Variants in GAREM1 observed in about 807,000 individuals in gnomAD.
GAREM1 encodes the protein GRB2-associated and regulator of MAPK protein 1.
Under a neutral mutation model 71.3 loss-of-function variants are expected in GAREM1, and 26 were observed. The ratio of observed to expected loss-of-function variants is 0.36; its 90% confidence interval spans 0.27 to 0.51. The LOEUF is 0.51. Among genes scored for constraint, GAREM1 ranks in the 20% least tolerant of loss-of-function variants. The probability of loss-of-function intolerance (pLI) is 0.95; values close to 1 mark genes in which losing one functional copy is unlikely to be tolerated. For missense variants in GAREM1, 1,026 were observed against 1,103.1 expected, an observed-to-expected ratio of 0.93 and a Z score of 0.99; for synonymous variants, 440 against 433.2, an observed-to-expected ratio of 1.02 and a Z score of -0.20.
intron 2 of GAREM1, among the ~76,000 whole-genome samples, chr18:32,329,764 T>A (rs1448614710): frequency 2.1e-5 from 3 of 144,704 alleles, no homozygotes; most frequent in Admixed American, 6.8e-5. Flanking sequence ...CTGATGTAGG[T>A]AAGAAATTTC....
At chr18:32,432,432 G>A (rs549554028) in intron 1 of GAREM1, among the ~76,000 whole-genome samples, 1 of 152,100 alleles carries the variant, frequency 6.6e-6, no homozygotes, top group East Asian at 1.9e-4. Flanking sequence ...ATGTTTTAAA[G>A]AGTTTAGAAA....
In GAREM1 at chr18:32,412,503, C is replaced by T. The variant is rs1287507950; in HGVS notation, c.122-19468G>A. ...AGCACGGCTGCCACCAAAGCCACCA[C>T]GACCACTGAAGTTTCCTCCATGACC... On this transcript the variant is annotated intron_variant, in intron 1 of 5. Transcript: ENST00000269209. 4.1e-5 allele frequency: 66 copies of T among 1,596,728 alleles called. 1 individual carries two copies. The highest frequency in any genetic ancestry group is 4.2e-4 in the Middle Eastern group (2 of 4,752).
In GAREM1 at chr18:32,266,736, C is replaced by T. The variant is rs2041378940; in HGVS notation, c.*1135G>A. ...CCGGTGCGTCTGATTTCTCAGCTCT[C>T]GTAAAGCATGAAGTAGGTTGAGAAT... is the stretch of plus-strand genomic sequence containing the variant. On this transcript the variant is annotated 3_prime_UTR_variant, in exon 6 of 6. Transcript: ENST00000269209. 2.6e-5 allele frequency: 4 copies of T among 152,118 alleles called. No homozygotes were observed. In the South Asian group the frequency reaches 8.3e-4, roughly 32 times the overall value. The allele number at this position is 152,118 out of a possible 1,614,324, so 9.4% of individuals were successfully genotyped here.
chr18:32,305,536 T>C (rs1237212910), intron 3 of GAREM1, among the ~76,000 whole-genome samples: 1 of 152,190 alleles, frequency 6.6e-6, no homozygotes, highest in Non-Finnish European at 1.5e-5. Flanking sequence ...TTGTTGTTTT[T>C]TGAGATGGAG....
intron 1 of GAREM1, among the ~76,000 whole-genome samples, chr18:32,459,345 T>C (rs1433244467): frequency 6.6e-6 from 1 of 151,870 alleles, no homozygotes; most frequent in Admixed American, 6.6e-5. Context: ...TTTTCATCTA[T>C]CTTACACACA....
At chr18:32,449,657 T>C (rs1870719201) in intron 1 of GAREM1, among the ~76,000 whole-genome samples, 1 of 152,168 alleles carries the variant, frequency 6.6e-6, no homozygotes. Flanking sequence ...AGAGTGAGAC[T>C]GTCTCAAAAA....
intron 1 of GAREM1, among the ~76,000 whole-genome samples, chr18:32,402,512 C>CA (rs112722077): frequency 0.13 from 20,209 of 151,904 alleles, 1,523 homozygotes; most frequent in African/African-American, 0.21. Flanking sequence ...GCTTCTGTGC[C>CA]AACAGATCTC....
intron 4 of GAREM1, among the ~76,000 whole-genome samples, chr18:32,270,763 T>TA (rs1004725063): frequency 2.6e-5 from 4 of 152,176 alleles, no homozygotes; most frequent in Non-Finnish European, 5.9e-5. Flanking sequence ...TTCACAAATT[T>TA]AACTTGAGGA....
intron 1 of GAREM1, among the ~76,000 whole-genome samples, chr18:32,397,869 C>T (rs985540928): frequency 1.3e-5 from 2 of 152,210 alleles, no homozygotes; most frequent in Non-Finnish European, 2.9e-5. Flanking sequence ...ACATTCTTTT[C>T]AGCACCACAA....
intron 2 of GAREM1, among the ~76,000 whole-genome samples, chr18:32,387,572 C>G (rs1482913032): frequency 6.6e-6 from 1 of 152,188 alleles, no homozygotes; most frequent in Non-Finnish European, 1.5e-5. Context: ...AGTGGGTTCT[C>G]TATTATTAGC....
intron 2 of GAREM1, among the ~76,000 whole-genome samples, chr18:32,341,208 T>C (rs2047644273): frequency 1.3e-5 from 2 of 152,302 alleles, no homozygotes; most frequent in East Asian, 1.9e-4. Context: ...AATTCCCACC[T>C]GTGAGTGAGA....
chr18:32,423,063 T>C lies in GAREM1; in HGVS notation c.122-30028A>G, dbSNP rs374093265. Among the ~76,000 whole-genome samples the C allele has an allele frequency of 2.8e-4, 43 of 152,336 alleles. No homozygotes were observed. In the East Asian group the frequency reaches 6.6e-3, roughly 23 times the overall value. On this transcript the variant is annotated intron_variant, in intron 1 of 5. Transcript: ENST00000269209. ...CACATAAACATTGACCTAAATTGTG[T>C]ATCTCAATGTAGTATCAAAGCAAAC...
chr18:32,424,491 C>T (rs980419415), intron 1 of GAREM1, among the ~76,000 whole-genome samples: 2 of 152,054 alleles, frequency 1.3e-5, no homozygotes, highest in African/African-American at 2.4e-5. Context: ...ACTATATTCC[C>T]GGTTGCAAAT....
intron 2 of GAREM1, among the ~76,000 whole-genome samples, chr18:32,323,273 C>T (rs140285956): frequency 1.8e-3 from 277 of 152,264 alleles, no homozygotes; most frequent in African/African-American, 5.0e-3. Context: ...CTAGCTGATG[C>T]TGTTGTATTT....
chr18:32,467,667 C>T (rs1371074923), intron 1 of GAREM1, among the ~76,000 whole-genome samples: 1 of 152,138 alleles, frequency 6.6e-6, no homozygotes, highest in Admixed American at 6.5e-5. Context: ...ATCATTTCCT[C>T]TTGGCATAAT....
chr18:32,418,257 C>A (rs941274867), intron 1 of GAREM1, among the ~76,000 whole-genome samples: 1 of 152,144 alleles, frequency 6.6e-6, no homozygotes, highest in Non-Finnish European at 1.5e-5. Flanking sequence ...TCAAAATTAG[C>A]GACTTTCTTC....
In GAREM1 at chr18:32,436,336, T is replaced by C. The variant is rs1277028889; in HGVS notation, c.121+33972A>G. ...ACATAGAGCCATTACAGTCACACTC[T>C]TGAGATTATTTTAGCTCTAGTTTAC... On this transcript the variant is annotated intron_variant, in intron 1 of 5. Coordinates refer to ENST00000269209, the MANE Select transcript of GAREM1 (RefSeq NM_001242409.2). Among the ~76,000 whole-genome samples the C allele has an allele frequency of 2.0e-5, 3 of 152,218 alleles. No individual in the cohort carries two copies. The East Asian group carries it at 5.8e-4, about 29-fold the overall frequency.
At chr18:32,373,028 CATGTTTGACA>C (rs1209884920) in intron 2 of GAREM1, among the ~76,000 whole-genome samples, 1 of 152,162 alleles carries the variant, frequency 6.6e-6, no homozygotes, top group African/African-American at 2.4e-5. Flanking sequence ...ATCAGAGGAA[CATGTTTGACA>C]ATGCTTTTCT....
chr18:32,405,261 C>T (rs1426362562), intron 1 of GAREM1, among the ~76,000 whole-genome samples: 1 of 151,934 alleles, frequency 6.6e-6, no homozygotes, highest in African/African-American at 2.4e-5. Context: ...TGCAGTGGTG[C>T]GATCTTGGCT....
Sources: gnomAD v4.1 joint callset for allele counts (sites outside exome capture counted in the v4.1 genomes callset) on GRCh38, gnomAD v4.1.1 for gene constraint, MANE v1.5 for transcripts, NCBI Gene and HGNC (gene_info 2026-07-23, HGNC 2026-07-21) for gene names.